Variants in LRP1B observed in about 807,000 individuals in gnomAD.
LRP1B encodes LDL receptor related protein 1B.
A neutral mutation model predicts 556.6 loss-of-function variants in LRP1B; 217 were observed. That is an observed-to-expected ratio of 0.39 (90% CI 0.35 to 0.44). The LOEUF (loss-of-function observed/expected upper bound fraction) is 0.44, where lower values mean the gene tolerates loss of function less well. Among genes scored for constraint, LRP1B ranks in the 20% least tolerant of loss-of-function variants. The pLI is 1.00. For missense variants in LRP1B, 5,053 were observed against 5,620.8 expected, an observed-to-expected ratio of 0.90 and a Z score of 3.23; for synonymous variants, 2,047 against 1,865.8, an observed-to-expected ratio of 1.10 and a Z score of -2.50.
rs916866166 is a variant in LRP1B at position 141,669,691 on chromosome 2, G to A, written c.205+140588C>T. ...AAGCTATTTCAAGTTTGCTACTTCT[G>A]CATTATATCCTACATACTTCTATTG... On this transcript the variant is annotated intron_variant, in intron 2 of 90. Coordinates refer to ENST00000389484, the MANE Select transcript of LRP1B (RefSeq NM_018557.3). 3.0e-5 allele frequency among the ~76,000 whole-genome samples: 4 copies of A among 133,518 alleles called. No homozygotes were observed. The Admixed American group carries it at 3.6e-4, about 12-fold the overall frequency. 87.6% of individuals were successfully genotyped at this position (133,518 alleles called of 152,430 possible). A position where few individuals can be genotyped will look rare whatever the true frequency, so the allele number is the denominator to read the frequency against.
intron 2 of LRP1B, among the ~76,000 whole-genome samples, chr2:141,792,836 A>G (rs1349408638): frequency 2.0e-5 from 3 of 152,032 alleles, no homozygotes; most frequent in Admixed American, 1.3e-4. Context: ...GAAAAGGGAA[A>G]ATAAATAGTT....
intron 1 of LRP1B, among the ~76,000 whole-genome samples, chr2:141,972,018 G>A (rs761469432): frequency 1.3e-5 from 2 of 151,416 alleles, no homozygotes; most frequent in African/African-American, 2.4e-5. Flanking sequence ...GGTTTATCAA[G>A]GTGATACAAT....
intron 1 of LRP1B, among the ~76,000 whole-genome samples, chr2:142,005,116 A>G (rs1267871318): frequency 6.7e-6 from 1 of 148,616 alleles, no homozygotes; most frequent in East Asian, 1.9e-4. Flanking sequence ...GTTATTTACT[A>G]TATATAACTA....
At chr2:141,258,015 G>A (rs778942633) in intron 3 of LRP1B, among the ~76,000 whole-genome samples, 7 of 152,136 alleles carry the variant, frequency 4.6e-5, no homozygotes, top group African/African-American at 9.7e-5. Flanking sequence ...AGTGACTTTC[G>A]TCAAGCATAG....
chr2:141,411,805 T>C (rs1690863303), intron 3 of LRP1B, among the ~76,000 whole-genome samples: 1 of 152,104 alleles, frequency 6.6e-6, no homozygotes, highest in Admixed American at 6.6e-5. Flanking sequence ...TCTAAATATG[T>C]CAAGACAAAA....
intron 3 of LRP1B, among the ~76,000 whole-genome samples, chr2:141,351,091 C>T (rs1442393229): frequency 2.6e-5 from 4 of 152,052 alleles, no homozygotes; most frequent in East Asian, 1.9e-4. Context: ...TTTCAGATAT[C>T]GCCACACCAA....
intron 9 of LRP1B, 32 bp from the exon 10 acceptor site, chr2:141,055,291 T>C (rs1699148386): frequency 6.3e-7 from 1 of 1,592,642 alleles, no homozygotes; most frequent in Non-Finnish European, 8.6e-7. Context: ...ATGCGTGAAA[T>C]TCAAGTTCAA....
At chr2:141,034,395 A>G (rs1247143920) in intron 11 of LRP1B, among the ~76,000 whole-genome samples, 2 of 152,076 alleles carry the variant, frequency 1.3e-5, no homozygotes, top group African/African-American at 4.8e-5. Flanking sequence ...TGCACAGCAA[A>G]AGAAACTACC....
At chr2:140,570,203 T>C (rs1217382864) in intron 43 of LRP1B, among the ~76,000 whole-genome samples, 1 of 150,958 alleles carries the variant, frequency 6.6e-6, no homozygotes, top group Non-Finnish European at 1.5e-5. Context: ...ATAAATGAAA[T>C]TGAAAATAAA....
chr2:141,184,839 T>C (rs1681172115), intron 7 of LRP1B, among the ~76,000 whole-genome samples: 1 of 151,936 alleles, frequency 6.6e-6, no homozygotes, highest in Admixed American at 6.6e-5. Flanking sequence ...ATACCCTTCA[T>C]CTTTATTTCT....
chr2:140,779,682 G>A (rs1018241860), intron 32 of LRP1B, among the ~76,000 whole-genome samples: 15 of 127,204 alleles, frequency 1.2e-4, no homozygotes, highest in African/African-American at 3.4e-4. Context: ...GTGACAGAGC[G>A]AGACTCTGTC....
At chr2:141,170,744 T>C (rs1482561760) in intron 7 of LRP1B, among the ~76,000 whole-genome samples, 2 of 152,048 alleles carry the variant, frequency 1.3e-5, no homozygotes, top group Non-Finnish European at 2.9e-5. Context: ...TCTAAAGGTG[T>C]TGCATTTTCT....
At chr2:141,673,330 C>T (rs1458726060) in intron 2 of LRP1B, among the ~76,000 whole-genome samples, 1 of 152,186 alleles carries the variant, frequency 6.6e-6, no homozygotes, top group African/African-American at 2.4e-5. Context: ...ATGAATTTCA[C>T]CTCCTTGCAG....
intron 59 of LRP1B, among the ~76,000 whole-genome samples, chr2:140,481,212 A>G (rs1688224447): frequency 6.6e-6 from 1 of 152,174 alleles, no homozygotes. Context: ...AATTGTCAAC[A>G]TGGAAGAAAC....
chr2:140,662,616 G>A (rs1438588242), intron 41 of LRP1B, among the ~76,000 whole-genome samples: 1 of 152,070 alleles, frequency 6.6e-6, no homozygotes, highest in Non-Finnish European at 1.5e-5. Context: ...GTAAAAGAAG[G>A]CCATTTTCAT....
At chr2:140,730,269 G>A (rs1308703844) in intron 35 of LRP1B, among the ~76,000 whole-genome samples, 1 of 152,086 alleles carries the variant, frequency 6.6e-6, no homozygotes, top group Non-Finnish European at 1.5e-5. Flanking sequence ...GCTGTAAGAT[G>A]CAAATCAGAT....
chr2:141,843,022 T>C (rs1697529823), intron 1 of LRP1B, among the ~76,000 whole-genome samples: 1 of 152,160 alleles, frequency 6.6e-6, no homozygotes, highest in African/African-American at 2.4e-5. Flanking sequence ...ACTATTTATT[T>C]TTTTAAACTG....
chr2:140,291,381 T>C (rs1683383706), intron 84 of LRP1B, among the ~76,000 whole-genome samples: 1 of 147,950 alleles, frequency 6.8e-6, no homozygotes. Flanking sequence ...TACATATGTA[T>C]ACATGTGTCG....
chr2:140,363,630 G>A (rs544179335), intron 72 of LRP1B, among the ~76,000 whole-genome samples: 1 of 151,364 alleles, frequency 6.6e-6, no homozygotes, highest in East Asian at 1.9e-4. Context: ...CTGAAACTTA[G>A]TTGCATTACT....
Sources: allele counts gnomAD v4.1 joint callset (sites outside exome capture counted in the v4.1 genomes callset), GRCh38; gene constraint gnomAD v4.1.1; transcripts MANE v1.5; gene names NCBI Gene and HGNC (gene_info 2026-07-23, HGNC 2026-07-21).